The following MGST2 variants were observed in gnomAD, a reference collection of about 807,000 sequenced individuals.
The protein encoded by MGST2 is microsomal glutathione S-transferase 2.
Under a neutral mutation model 16.6 loss-of-function variants are expected in MGST2, and 9 were observed. The ratio of observed to expected loss-of-function variants is 0.54; its 90% CI spans 0.33 to 0.95. The LOEUF (loss-of-function observed/expected upper bound fraction) is 0.95. Ranked by LOEUF, MGST2 falls within the 40% of genes least tolerant of loss-of-function variation. The pLI is 0.03. For synonymous variants in MGST2, 79 were observed against 68.0 expected (o/e 1.16, Z -0.79); for missense variants, 159 against 175.1 (o/e 0.91, Z 0.52).
chr4:139,699,517 G>C (rs142020266), intron 3 of MGST2, among the ~76,000 whole-genome samples: 172 of 152,152 alleles, frequency 1.1e-3, no homozygotes, highest in African/African-American at 4.0e-3. Flanking sequence ...GTATTTCTGG[G>C]CTATGTGATT....
chr4:139,745,932 T>C, the MGST2 span, among the ~76,000 whole-genome samples: 7 of 152,312 alleles, frequency 4.6e-5, no homozygotes, highest in African/African-American at 1.7e-4. Context: ...AAGAAACCTT[T>C]TAGTTTTTGT....
At chr4:139,705,496 A>T (rs1210069824), downstream of MGST2, 6 of 152,174 alleles carry the variant, frequency 3.9e-5, no homozygotes, top group African/African-American at 1.2e-4. Flanking sequence ...TGGTTCCAAC[A>T]AATTTCAGCC....
Position 139,696,420 on chromosome 4 carries a change from C to A in MGST2, c.229+1153C>A, listed in dbSNP as rs564823476. 1.6e-4 allele frequency among the ~76,000 whole-genome samples: 24 copies of A among 152,308 alleles called. 1 individual carries two copies. The highest frequency in any genetic ancestry group is 8.5e-4 in the Admixed American group (13 of 15,300). ...AAGAAGTAAAAAAGCAGACTTGAAT[C>A]ATCAGAACCCTTCTGCCAGATTGTC... On this transcript the variant is annotated intron_variant, in intron 3 of 4. Transcript: ENST00000265498.
rs755554175 is a variant in MGST2, at chr4:139,704,062, C to A, written c.358C>A (p.Leu120Ile). 6.2e-7 allele frequency: 1 copy of A among 1,614,106 alleles called. No individual in the cohort carries two copies. Among genetic ancestry groups the A allele is most frequent in the South Asian group, 1.1e-5 (1 of 91,074 alleles). Reference sequence around the variant, plus strand: ...TCTGGGGATTTTGGCCTTGTTGACCCTCCTAGGTGCCCTGGGAATTGCAAA... The same window carrying A: ...TCTGGGGATTTTGGCCTTGTTGACCATCCTAGGTGCCCTGGGAATTGCAAA... ...LSLGILALLT[L>I]LGALGIANSF... Residue 120 changes from leucine (L) to isoleucine (I), a missense_variant, in exon 5 of 5, where the codon CTC (leucine) becomes ATC (isoleucine). Coordinates refer to ENST00000265498, the MANE Select transcript of MGST2 (RefSeq NM_002413.5).
rs116789528 is a variant in MGST2 at position 139,697,324 on chromosome 4, A to G, written c.229+2057A>G. On this transcript the variant is annotated intron_variant, in intron 3 of 4. Transcript: ENST00000265498. ...TGTGACTTTTTTTTTCTCCCCCGGGACAGGGCACTTTTGTTTGCATTAAAA... is the reference window on the plus strand; with the variant it reads ...TGTGACTTTTTTTTTCTCCCCCGGGGCAGGGCACTTTTGTTTGCATTAAAA... Among the ~76,000 whole-genome samples the G allele has an allele frequency of 7.9e-3, 1,199 of 152,024 alleles. 19 individuals carry two copies. Among genetic ancestry groups the G allele is most frequent in the African/African-American group, 0.026 (1,082 of 41,446 alleles).
chr4:139,706,443 G>A (rs1042601268), downstream of MGST2, among the ~76,000 whole-genome samples: 35 of 152,264 alleles, frequency 2.3e-4, no homozygotes, highest in African/African-American at 8.2e-4. Context: ...TGATTCTATG[G>A]TCTTTTTACT....
chr4:139,709,071 ATTTTTT>A (rs377191495), downstream of MGST2, among the ~76,000 whole-genome samples: 358 of 81,968 alleles, frequency 4.4e-3, 12 homozygotes, highest in African/African-American at 0.016. Context: ...AATGGAAAAA[ATTTTTT>A]TTTTTTTTTT....
In MGST2 at chr4:139,683,970, G is replaced by T. The variant is rs986787565; in HGVS notation, c.158+5328G>T. ...GATGGAGTCTCACCCTGTCACCCAG[G>T]CTGGAGTGCAGTGGCCACAATCTTG... On this transcript the variant is annotated intron_variant, in intron 2 of 4. Transcript: ENST00000265498. Among the ~76,000 whole-genome samples the T allele has an allele frequency of 2.1e-5, 3 of 145,972 alleles. No individual in the cohort carries two copies. In the East Asian group the frequency reaches 6.1e-4, roughly 30 times the overall value.
At chr4:139,691,688 G>GATTATTATT (rs1491530941) in intron 2 of MGST2, among the ~76,000 whole-genome samples, 6 of 139,474 alleles carry the variant, frequency 4.3e-5, no homozygotes, top group African/African-American at 1.6e-4. Flanking sequence ...TGATGATGAT[G>GATTATTATT]ATGATGATGA....
At chr4:139,749,544 C>G in the MGST2 span, among the ~76,000 whole-genome samples, 1 of 152,166 alleles carries the variant, frequency 6.6e-6, no homozygotes, top group African/African-American at 2.4e-5. Context: ...GCTCTGGTAA[C>G]TGTCAAGGGG....
intron 1 of MGST2, among the ~76,000 whole-genome samples, chr4:139,670,585 A>G (rs1730632260): frequency 6.6e-6 from 1 of 152,172 alleles, no homozygotes; most frequent in Non-Finnish European, 1.5e-5. Flanking sequence ...GCTTTGTTTA[A>G]AGACTTGAAT....
chr4:139,689,526 A>G (rs1043901171), intron 2 of MGST2, among the ~76,000 whole-genome samples: 2 of 152,314 alleles, frequency 1.3e-5, no homozygotes, highest in Admixed American at 6.5e-5. Flanking sequence ...GTAATCATCC[A>G]AAAGACCGCC....
At chr4:139,711,651 C>T (rs72728786) in intron 5 of MGST2, among the ~76,000 whole-genome samples, 14,408 of 152,130 alleles carry the variant, frequency 0.095, 797 homozygotes, top group East Asian at 0.18. Context: ...CCTGGTTTAT[C>T]GGCAAGGTCT....
intron 5 of MGST2, among the ~76,000 whole-genome samples, chr4:139,709,321 G>T (rs1727652502): frequency 6.6e-6 from 1 of 152,002 alleles, no homozygotes. Context: ...CTGACCTCAT[G>T]ATCCGCCCAC....
chr4:139,722,777 T>C (rs1044059673), intron 5 of MGST2, among the ~76,000 whole-genome samples: 2 of 152,252 alleles, frequency 1.3e-5, no homozygotes, highest in Non-Finnish European at 2.9e-5. Context: ...ATGCAAGTTA[T>C]ACCTAACAAA....
intron 5 of MGST2, chr4:139,717,128 T>A (rs1473280490): frequency 6.6e-6 from 1 of 152,572 alleles, no homozygotes; most frequent in Non-Finnish European, 1.5e-5. Context: ...TAACTTTTTT[T>A]AGACATTACA....
At chr4:139,736,540 T>C (rs1194111580) in intron 5 of MGST2, among the ~76,000 whole-genome samples, 1 of 145,950 alleles carries the variant, frequency 6.9e-6, no homozygotes, top group Non-Finnish European at 1.5e-5. Context: ...ACAATGGAAA[T>C]TTTGGAGGTG....
intron 2 of MGST2, among the ~76,000 whole-genome samples, chr4:139,691,845 C>T (rs1726619458): frequency 6.6e-6 from 1 of 152,084 alleles, no homozygotes; most frequent in African/African-American, 2.4e-5. Context: ...ACTACAGGCA[C>T]CCGCCACCAC....
chr4:139,703,114 C>T (rs1006598881), intron 3 of MGST2, among the ~76,000 whole-genome samples: 13 of 151,292 alleles, frequency 8.6e-5, no homozygotes, highest in African/African-American at 3.2e-4. Flanking sequence ...TTAGTAGAGA[C>T]GAGGTTTCAC....
Sources: gnomAD v4.1 joint callset for allele counts (sites outside exome capture counted in the v4.1 genomes callset) on GRCh38, gnomAD v4.1.1 for gene constraint, MANE v1.5 for transcripts, NCBI Gene and HGNC (gene_info 2026-07-23, HGNC 2026-07-21) for gene names.